Variants in NGFR observed in about 807,000 individuals in gnomAD.
NGFR encodes tumor necrosis factor receptor superfamily member 16.
A neutral mutation model predicts 43.2 loss-of-function variants in NGFR; 30 were observed. The observed-to-expected ratio is 0.69, with a 90% CI of 0.52 to 0.94. The LOEUF is 0.94. NGFR is among the 40% of genes least tolerant of loss of function. The probability of loss-of-function intolerance (pLI) is 0.00; values close to 1 mark genes in which losing one functional copy is unlikely to be tolerated. For synonymous variants in NGFR, 246 were observed against 259.6 expected, an observed-to-expected ratio of 0.95 and a Z score of 0.50; for missense variants, 529 against 602.5, an observed-to-expected ratio of 0.88 and a Z score of 1.28.
chr17:49,511,244 T>C (rs957547247), intron 4 of NGFR: 7 of 153,948 alleles, frequency 4.5e-5, no homozygotes, highest in African/African-American at 7.2e-5. Context: ...CTCTCCTTAT[T>C]GGAATCTGTT....
In NGFR at chr17:49,510,444, C is replaced by T; in HGVS notation, c.601C>T (p.Pro201Ser). ...TGGCCGTTGGATTACACGGTCCACA[C>T]CCCCAGAGGGCTCGGACAGCACAGC... ...IPGRWITRST[P>S]PEGSDSTAPS... is the part of the protein sequence containing the mutation. The change falls in exon 4 of 6, where the codon CCC becomes TCC. Residue 201 changes from proline to serine, a missense_variant. Pro to Ser is a moderately conservative substitution (Grantham distance 74). Transcript: ENST00000172229. 1.9e-6 allele frequency: 3 copies of T among 1,614,028 alleles called. No individual in the cohort carries two copies. The highest frequency in any genetic ancestry group is 2.5e-6 in the Non-Finnish European group (3 of 1,179,982).
At chr17:49,510,376 G>A in intron 3 of NGFR, 36 bp from the exon 4 acceptor site, 1 of 1,605,722 alleles carries the variant, frequency 6.2e-7, no homozygotes, top group South Asian at 1.1e-5. Context: ...AGGAGTGGGG[G>A]AAGTGGGTCC....
intron 3 of NGFR, among the ~76,000 whole-genome samples, chr17:49,507,020 G>A (rs1328030382): frequency 6.6e-6 from 1 of 152,178 alleles, no homozygotes; most frequent in Non-Finnish European, 1.5e-5. Flanking sequence ...CTCGAAGGTG[G>A]CCACTACCCC....
chr17:49,506,737 T>TTTTTAATGATA, intron 3 of NGFR, 79 bp downstream of exon 3: 1 of 1,347,628 alleles, frequency 7.4e-7, no homozygotes, highest in Non-Finnish European at 9.9e-7. Context: ...TCTCTGGAGG[T>TTTTTAATGATA]CGACAAGGAC....
chr17:49,501,999 A>ATGGGCCCCCCCCCCC, intron 1 of NGFR, 64 bp from the exon 2 acceptor site: 15 of 330,982 alleles, frequency 4.5e-5, no homozygotes, highest in Non-Finnish European at 7.0e-5. Flanking sequence ...TCCCCGGAAG[A>ATGGGCCCCCCCCCCC]ACCCCCCCCA....
At chr17:49,502,829 TTCC>T (rs1444164317) in intron 2 of NGFR, among the ~76,000 whole-genome samples, 35 of 134,138 alleles carry the variant, frequency 2.6e-4, no homozygotes, top group African/African-American at 9.4e-4. Flanking sequence ...CCTTCCTTCC[TTCC>T]TTCCTTCCTT....
chr17:49,509,405 A>G (rs2071218338), intron 3 of NGFR, among the ~76,000 whole-genome samples: 1 of 152,162 alleles, frequency 6.6e-6, no homozygotes, highest in East Asian at 1.9e-4. Context: ...GGGGTAGGCA[A>G]CATTGCCCAG....
chr17:49,512,583 C>G lies in NGFR; in HGVS notation c.983-125C>G. ...CCTGGTGCCCCACCCAGGACCTTGT[C>G]TTGGCCCCAGGCCTCCAGATGGGGA... is the stretch of plus-strand genomic sequence containing the variant. On this transcript the variant is annotated intron_variant, in intron 5 of 5. Transcript: ENST00000172229. The surrounding 1 kb of genome is among the most constrained non-coding windows in gnomAD (Gnocchi z 5.2). 1 of 1,285,340 alleles carries G rather than the reference C, an allele frequency of 7.8e-7. No homozygotes were observed. Among genetic ancestry groups the G allele is most frequent in the Non-Finnish European group, 1.1e-6 (1 of 931,792 alleles). 79.6% of individuals were successfully genotyped at this position (1,285,340 alleles called of 1,614,324 possible). A position where few individuals can be genotyped will look rare whatever the true frequency, so the allele number is the denominator to read the frequency against.
rs576062643 is a variant in NGFR at position 49,500,779 on chromosome 17, C to T, written c.67-1284C>T. 9.8e-5 allele frequency among the ~76,000 whole-genome samples: 15 copies of T among 152,300 alleles called. No homozygotes were observed. In the East Asian group the frequency reaches 2.5e-3, roughly 26 times the overall value. On this transcript the variant is annotated intron_variant, in intron 1 of 5. Coordinates refer to ENST00000172229, the MANE Select transcript of NGFR (RefSeq NM_002507.4). ...TGTTGCCTGTGCCTGTCCTGCTGGT[C>T]TCATGAGGACCACAGACTCCCTCCT...
chr17:49,501,889 G>A (rs1438715732), intron 1 of NGFR, among the ~76,000 whole-genome samples, 174 bp from the exon 2 acceptor site: 1 of 152,222 alleles, frequency 6.6e-6, no homozygotes, highest in East Asian at 1.9e-4. Context: ...TCCCTCACTT[G>A]CCTTTCCCCT....
chr17:49,502,355 G>A (rs1000072361), intron 2 of NGFR, 151 bp downstream of exon 2: 1 of 828,062 alleles, frequency 1.2e-6, no homozygotes, highest in African/African-American at 1.7e-5. Context: ...CCCAGTGTAG[G>A]AGGCGCTTCT....
At chr17:49,507,404 AG>A (rs2071206368) in intron 3 of NGFR, among the ~76,000 whole-genome samples, 1 of 151,954 alleles carries the variant, frequency 6.6e-6, no homozygotes. Context: ...AAGAAGAAGG[AG>A]GGGAGGGGCA....
Position 49,495,696 on chromosome 17 carries a change from A to C in NGFR, c.66+213A>C. ...TCTCCAGGGTGGAGATGAGGGCAAG[A>C]CCGGAGCACGGATGCCGGTCCTCAG... On this transcript the variant is annotated intron_variant, in intron 1 of 5. Transcript: ENST00000172229. This position sits in a 1 kb window ranked among gnomAD's most constrained non-coding sequence, Gnocchi z 6.4. The C allele has an allele frequency of 2.5e-6, 1 of 404,172 alleles. No homozygotes were observed. The highest frequency in any genetic ancestry group is 2.1e-5 in the African/African-American group (1 of 48,058). The allele number at this position is 404,172 out of a possible 1,614,324, so 25.0% of individuals were successfully genotyped here. A position where few individuals can be genotyped will look rare whatever the true frequency, so the allele number is the denominator to read the frequency against.
Position 49,512,060 on chromosome 17 carries a change from G to A in NGFR, c.982+8G>A. 4 of 1,611,542 alleles carry A rather than the reference G, an allele frequency of 2.5e-6. No homozygotes were observed. Among genetic ancestry groups the A allele is most frequent in the Non-Finnish European group, 3.4e-6 (4 of 1,178,918 alleles). On this transcript the variant is annotated splice_region_variant and intron_variant, in intron 5 of 5. Coordinates refer to ENST00000172229, the MANE Select transcript of NGFR (RefSeq NM_002507.4). This position sits in a 1 kb window ranked among gnomAD's most constrained non-coding sequence, Gnocchi z 5.2. Reference sequence around the variant, plus strand: ...AGACAGCCTCGGGCCAGGGTGAGCAGCGGCCCGCTGGGGAGCTGAGGCGGA... The same window carrying A: ...AGACAGCCTCGGGCCAGGGTGAGCAACGGCCCGCTGGGGAGCTGAGGCGGA...
rs747975401 is a variant in NGFR, at chr17:49,510,470, C to A, written c.627C>A (p.Ala209=). 6.2e-7 allele frequency: 1 copy of A among 1,614,116 alleles called. No individual in the cohort carries two copies. The highest frequency in any genetic ancestry group is 8.5e-7 in the Non-Finnish European group (1 of 1,180,018). ...CCCCAGAGGGCTCGGACAGCACAGC[C>A]CCCAGCACCCAGGAGCCTGAGGCAC... ...STPPEGSDST[A]PSTQEPEAPP... is the part of the protein sequence containing the mutation. Residue 209 remains alanine, a synonymous_variant, in exon 4 of 6, where the codon GCC becomes GCA. Coordinates refer to ENST00000172229, the MANE Select transcript of NGFR (RefSeq NM_002507.4).
At chr17:49,511,812 A>T in intron 4 of NGFR, 80 bp from the exon 5 acceptor site, 1 of 1,428,386 alleles carries the variant, frequency 7.0e-7, no homozygotes, top group Non-Finnish European at 9.2e-7. Context: ...TGGCCCTCAC[A>T]CGGCAGAGCA....
chr17:49,506,398 A>G lies in NGFR; in HGVS notation c.308A>G (p.Asp103Gly), dbSNP rs1178627354. 13 of 1,602,766 alleles carry G rather than the reference A, an allele frequency of 8.1e-6. No homozygotes were observed. Among genetic ancestry groups the G allele is most frequent in the African/African-American group, 1.3e-5 (1 of 74,710 alleles). ...QSMSAPCVEA[D>G]DAVCRCAYGY... ...ATGTCGGCGCCGTGCGTGGAGGCCG[A>G]CGACGCCGTGTGCCGCTGCGCCTAC... The change falls in exon 3 of 6, where the codon GAC (aspartate) becomes GGC (glycine). Residue 103 changes from aspartate (D) to glycine (G), a missense_variant. Asp to Gly is a moderately conservative substitution (Grantham distance 94, BLOSUM62 -1). Coordinates refer to ENST00000172229, the MANE Select transcript of NGFR (RefSeq NM_002507.4).
chr17:49,509,375 C>A (rs561113968), intron 3 of NGFR, among the ~76,000 whole-genome samples: 1 of 152,112 alleles, frequency 6.6e-6, no homozygotes, highest in South Asian at 2.1e-4. Flanking sequence ...CTGCCCCAGG[C>A]GTGGGAAGTG....
At chr17:49,496,243 G>C (rs913130400) in intron 1 of NGFR, 3 of 152,356 alleles carry the variant, frequency 2.0e-5, no homozygotes, top group African/African-American at 7.2e-5. Flanking sequence ...AGAGAGAGCA[G>C]AGGCTTGGAC....
Sources: allele counts gnomAD v4.1 joint callset (sites outside exome capture counted in the v4.1 genomes callset), GRCh38; gene constraint gnomAD v4.1.1; non-coding constraint Gnocchi (gnomAD v3.1); transcripts MANE v1.5; gene names NCBI Gene and HGNC (gene_info 2026-07-23, HGNC 2026-07-21).